Variants in PTGER4 observed in about 807,000 individuals in gnomAD.
The protein encoded by PTGER4 is prostaglandin E receptor 4.
PTGER4 carries 11 observed loss-of-function variants against 33.2 expected under a neutral mutation model. The ratio of observed to expected loss-of-function variants is 0.33; its 90% CI spans 0.21 to 0.55. PTGER4 has a LOEUF of 0.55. Ranked by LOEUF, PTGER4 falls within the 20% of genes least tolerant of loss-of-function variation. The pLI, the probability that PTGER4 is intolerant of heterozygous loss-of-function variation, is 0.92. For missense variants in PTGER4, 481 were observed against 650.2 expected (o/e 0.74, Z 2.83); for synonymous variants, 275 against 281.5 (o/e 0.98, Z 0.23).
the PTGER4 span, among the ~76,000 whole-genome samples, chr5:40,722,278 T>C: frequency 6.6e-6 from 1 of 152,134 alleles, no homozygotes; most frequent in Non-Finnish European, 1.5e-5. Flanking sequence ...CCCAGCCGCC[T>C]GCCTTGGCCT....
At chr5:40,719,116 A>G in the PTGER4 span, among the ~76,000 whole-genome samples, 1 of 152,196 alleles carries the variant, frequency 6.6e-6, no homozygotes. Context: ...TTTAAAACAT[A>G]CAATTCAATA....
At chr5:40,704,246 C>T in the PTGER4 span, among the ~76,000 whole-genome samples, 2 of 152,128 alleles carry the variant, frequency 1.3e-5, no homozygotes, top group African/African-American at 4.8e-5. Context: ...ACATGATTAT[C>T]TCAATAAATG....
At chr5:40,716,150 G>A in the PTGER4 span, 19 of 1,596,164 alleles carry the variant, frequency 1.2e-5, no homozygotes, top group Middle Eastern at 1.7e-4. Context: ...CTGCTTCATC[G>A]GGCTTTGATA....
downstream of PTGER4, among the ~76,000 whole-genome samples, chr5:40,694,555 G>C (rs1314343925): frequency 6.6e-6 from 1 of 152,184 alleles, no homozygotes; most frequent in African/African-American, 2.4e-5. Context: ...TTGACTTGCA[G>C]ATGGCTCCCT....
chr5:40,721,750 C>T, the PTGER4 span, among the ~76,000 whole-genome samples: 2 of 151,886 alleles, frequency 1.3e-5, no homozygotes, highest in Non-Finnish European at 2.9e-5. Flanking sequence ...AAATGATTTC[C>T]TGAATATAAC....
chr5:40,722,959 C>T, the PTGER4 span, among the ~76,000 whole-genome samples: 2 of 152,120 alleles, frequency 1.3e-5, no homozygotes, highest in African/African-American at 2.4e-5. Flanking sequence ...TCATTGAGAG[C>T]GGGCCATGAT....
chr5:40,736,724 G>C, the PTGER4 span, among the ~76,000 whole-genome samples: 1 of 152,132 alleles, frequency 6.6e-6, no homozygotes, highest in Non-Finnish European at 1.5e-5. Context: ...CATGGACTTT[G>C]CTCTTTAATC....
At chr5:40,742,102 T>G in the PTGER4 span, among the ~76,000 whole-genome samples, 18 of 151,458 alleles carry the variant, frequency 1.2e-4, no homozygotes, top group South Asian at 3.8e-3. Context: ...TGAAAACAGT[T>G]TTTTTTTTAT....
At chr5:40,695,022 C>G (rs1376357995), downstream of PTGER4, among the ~76,000 whole-genome samples, 1 of 152,154 alleles carries the variant, frequency 6.6e-6, no homozygotes, top group Non-Finnish European at 1.5e-5. Context: ...ATATAACAGA[C>G]AAGAAGGTAA....
At chr5:40,698,091 A>AC (rs1244817614), downstream of PTGER4, among the ~76,000 whole-genome samples, 1 of 81,776 alleles carries the variant, frequency 1.2e-5, no homozygotes, top group Non-Finnish European at 2.7e-5. Context: ...CCCTGTCTCT[A>AC]CAAAAAAAAA....
the PTGER4 span, among the ~76,000 whole-genome samples, chr5:40,738,230 G>A: frequency 6.6e-6 from 1 of 151,756 alleles, no homozygotes; most frequent in Non-Finnish European, 1.5e-5. Flanking sequence ...TGGCCAAGAC[G>A]GTGAAACCCT....
the PTGER4 span, among the ~76,000 whole-genome samples, chr5:40,722,746 G>A: frequency 6.6e-6 from 1 of 150,954 alleles, no homozygotes; most frequent in Non-Finnish European, 1.5e-5. Flanking sequence ...GGCAGCCCCT[G>A]CCCGGCCAGA....
At chr5:40,700,356 G>A in the PTGER4 span, among the ~76,000 whole-genome samples, 3 of 152,214 alleles carry the variant, frequency 2.0e-5, no homozygotes, top group East Asian at 1.9e-4. Context: ...AGCCTCCAGC[G>A]GCAGCTGAAA....
rs1367040864 is a variant in PTGER4 at position 40,683,340 on chromosome 5, AG to A, written c.867+1482del. Among the ~76,000 whole-genome samples, 2 of 152,232 alleles carry A rather than the reference AG, an allele frequency of 1.3e-5. No individual in the cohort carries two copies. The highest frequency in any genetic ancestry group is 3.8e-4 in the East Asian group (2 of 5,200). ...TTGTATAAACAGAAGTAAATATAAT[AG>A]GCCATAAGAGCCTTTAAGCCATTCC... On this transcript the variant is annotated intron_variant, in intron 2 of 2. Transcript: ENST00000302472. This position sits in a 1 kb window ranked among gnomAD's most constrained non-coding sequence, Gnocchi z 4.2.
chr5:40,746,703 T>A, the PTGER4 span: 1 of 949,238 alleles, frequency 1.1e-6, no homozygotes. Context: ...TTTTTAAACA[T>A]GAATTTATCA....
Position 40,692,827 on chromosome 5 carries a change from A to T in PTGER4, c.*449A>T, listed in dbSNP as rs1478520340. On this transcript the variant is annotated 3_prime_UTR_variant, in exon 3 of 3. Transcript: ENST00000302472. ...GAAATGTGAATTTTTATTGTTGTAC[A>T]TACGATTTAAGGTATTTAAAGTATT... 2.0e-6 allele frequency: 2 copies of T among 987,338 alleles called. No homozygotes were observed. Among genetic ancestry groups the T allele is most frequent in the Non-Finnish European group, 2.4e-6 (2 of 830,602 alleles). The allele number at this position is 987,338 out of a possible 1,614,324, so 61.2% of individuals were successfully genotyped here. A position where few individuals can be genotyped will look rare whatever the true frequency, so the allele number is the denominator to read the frequency against.
In PTGER4 at chr5:40,691,639, A is replaced by T; in HGVS notation, c.868-140A>T. The T allele has an allele frequency of 8.1e-7, 1 of 1,230,846 alleles. No individual in the cohort carries two copies. Among genetic ancestry groups the T allele is most frequent in the Non-Finnish European group, 1.1e-6 (1 of 896,460 alleles). The allele number at this position is 1,230,846 out of a possible 1,614,324, so 76.2% of individuals were successfully genotyped here. A position where few individuals can be genotyped will look rare whatever the true frequency, so the allele number is the denominator to read the frequency against. The stretch of plus-strand genomic sequence containing the variant: ...CCCATGACTGGTTTTTCTGAGGCTT[A>T]TTATGTAGCTTCCTCTTTTCCTGGA... On this transcript the variant is annotated intron_variant, in intron 2 of 2. Coordinates refer to ENST00000302472, the MANE Select transcript of PTGER4 (RefSeq NM_000958.3). This position sits in a 1 kb window ranked among gnomAD's most constrained non-coding sequence, Gnocchi z 4.2.
At chr5:40,726,417 A>C in the PTGER4 span, among the ~76,000 whole-genome samples, 1 of 151,704 alleles carries the variant, frequency 6.6e-6, no homozygotes, top group Non-Finnish European at 1.5e-5. Flanking sequence ...GCTTGCTTTC[A>C]ATATATTTTA....
the PTGER4 span, among the ~76,000 whole-genome samples, chr5:40,726,019 T>C: frequency 2.0e-5 from 3 of 151,634 alleles, no homozygotes; most frequent in Non-Finnish European, 4.4e-5. Context: ...TCTCCTGACC[T>C]TGTGATCCGC....
Sources: gnomAD v4.1 joint callset for allele counts (sites outside exome capture counted in the v4.1 genomes callset) on GRCh38, gnomAD v4.1.1 for gene constraint, Gnocchi (gnomAD v3.1) non-coding constraint, MANE v1.5 for transcripts, NCBI Gene and HGNC (gene_info 2026-07-23, HGNC 2026-07-21) for gene names.